The following GFRA4 variants were observed in gnomAD, a reference collection of about 807,000 sequenced individuals.
GFRA4 encodes the protein GDNF family receptor alpha-4.
GFRA4 carries 31 observed loss-of-function variants against 28.5 expected under a neutral mutation model. The observed-to-expected ratio is 1.09, with a 90% CI of 0.82 to 1.47. The LOEUF (loss-of-function observed/expected upper bound fraction) is 1.47, where lower values mean the gene tolerates loss of function less well. Ranked by LOEUF, GFRA4 falls within the 40% of genes most tolerant of loss-of-function variation. The pLI is 0.00. For synonymous variants in GFRA4, 188 were observed against 188.0 expected (o/e 1.00, Z 0.00); for missense variants, 389 against 413.2 (o/e 0.94, Z 0.51).
rs373027287 is a variant in GFRA4 at position 3,659,868 on chromosome 20, G to A, written c.*41C>T. The stretch of plus-strand genomic sequence containing the variant: ...CCACAGAGGCGGCCCAGGCAGGCAG[G>A]GTGGAGTAGCTGGCTGTGCTATCCG... On this transcript the variant is annotated 3_prime_UTR_variant, in exon 6 of 6. Transcript: ENST00000290417. 6.5e-4 allele frequency: 1,010 copies of A among 1,547,414 alleles called. 17 individuals carry two copies. In the South Asian group the frequency reaches 9.9e-3, roughly 15 times the overall value.
rs2087241177 is a variant in GFRA4 at position 3,663,211 on chromosome 20, C to A, written c.46+143G>T. ...AGTGGGGTCAATTGCCAGGGGTCCC[C>A]AAGCCGTGCGCACAGGCCTCTCACT... On this transcript the variant is annotated intron_variant, in intron 1 of 5. Coordinates refer to ENST00000290417, the MANE Select transcript of GFRA4 (RefSeq NM_022139.4). 6.1e-6 allele frequency: 6 copies of A among 988,096 alleles called. No individual in the cohort carries two copies. In the East Asian group the frequency reaches 1.3e-4, roughly 22 times the overall value. The allele number at this position is 988,096 out of a possible 1,614,324, so 61.2% of individuals were successfully genotyped here.
chr20:3,662,927 G>A (rs1342170615), intron 1 of GFRA4, among the ~76,000 whole-genome samples: 1 of 152,136 alleles, frequency 6.6e-6, no homozygotes, highest in Non-Finnish European at 1.5e-5. Context: ...ACTACACTCG[G>A]TAAAGTGACC....
At chr20:3,660,723 C>T in intron 3 of GFRA4, 32 bp downstream of exon 3, 1 of 1,450,210 alleles carries the variant, frequency 6.9e-7, no homozygotes, top group Non-Finnish European at 9.1e-7. Context: ...CTGGAGAACC[C>T]CCGCCCTCGC....
intron 1 of GFRA4, 121 bp downstream of exon 1, chr20:3,663,233 C>T: frequency 8.1e-7 from 1 of 1,241,060 alleles, no homozygotes; most frequent in South Asian, 1.3e-5. Flanking sequence ...ACAGGCCTCT[C>T]ACTGGCAACC....
chr20:3,660,743 G>C lies in GFRA4; in HGVS notation c.502+12C>G. The C allele has an allele frequency of 7.0e-7, 1 of 1,434,316 alleles. No individual in the cohort carries two copies. The highest frequency in any genetic ancestry group is 9.1e-7 in the Non-Finnish European group (1 of 1,099,876). 88.8% of individuals were successfully genotyped at this position (1,434,316 alleles called of 1,614,324 possible). On this transcript the variant is annotated intron_variant, in intron 3 of 5. Transcript: ENST00000290417. ...GAACCCCCGCCCTCGCCCGGATCCC[G>C]GCCGCGCGTACCCACGAGGCCCGCG... is the stretch of plus-strand genomic sequence containing the variant.
At position 3,661,159 on chromosome 20, in the gene GFRA4, A is replaced by ACAGCCCCCCTGCGCAGCCCGGCC. The variant is rs1400002915; in HGVS notation, c.154_176dup (p.Cys59TrpfsTer71). The ACAGCCCCCCTGCGCAGCCCGGCC allele has an allele frequency of 1.0e-5, 14 of 1,362,582 alleles. 1 individual carries two copies. The Middle Eastern group carries it at 1.8e-3, about 175-fold the overall frequency. 84.4% of individuals were successfully genotyped at this position (1,362,582 alleles called of 1,614,324 possible). A position where few individuals can be genotyped will look rare whatever the true frequency, so the allele number is the denominator to read the frequency against. On this transcript the variant is annotated frameshift_variant, in exon 2 of 6. Transcript: ENST00000290417. LOFTEE classifies it high-confidence loss of function. The stretch of plus-strand genomic sequence containing the variant: ...GGGCCCGGCGGCAGCGGGCGCGGGG[A>ACAGCCCCCCTGCGCAGCCCGGCC]CAGCCCCCCTGCGCAGCCCGGCCCA...
chr20:3,661,321 A>G (rs115112380), intron 1 of GFRA4, 32 bp from the exon 2 acceptor site: 18 of 1,418,994 alleles, frequency 1.3e-5, no homozygotes, highest in Non-Finnish European at 1.7e-5. Flanking sequence ...TGCAGGTCTC[A>G]GTGCGCCCCG....
Position 3,660,950 on chromosome 20 carries a change from A to T in GFRA4, c.386T>A (p.Val129Asp). ...CGCCGCCGCCCGCGCGCACCTGCAG[A>T]CCCGGCTGCGCTCGCAGAAGTTTAA... ...EPLNFCERSR[V>D]CRPRLLAFQV... The change falls in exon 2 of 6, where the codon GTC (valine) becomes GAC (aspartate). Residue 129 changes from valine (V) to aspartate (D), a missense_variant. Val to Asp is a radical substitution (Grantham distance 152). Transcript: ENST00000290417. The T allele has an allele frequency of 1.5e-6, 2 of 1,313,014 alleles. No individual in the cohort carries two copies. Among genetic ancestry groups the T allele is most frequent in the Non-Finnish European group, 1.9e-6 (2 of 1,033,808 alleles). The allele number at this position is 1,313,014 out of a possible 1,614,324, so 81.3% of individuals were successfully genotyped here. A position where few individuals can be genotyped will look rare whatever the true frequency, so the allele number is the denominator to read the frequency against.
intron 1 of GFRA4, among the ~76,000 whole-genome samples, chr20:3,662,623 G>A (rs1372921461): frequency 2.0e-5 from 3 of 152,202 alleles, no homozygotes; most frequent in Non-Finnish European, 4.4e-5. Context: ...TAGCTCGAGG[G>A]CTTAGAATGG....
Position 3,660,830 on chromosome 20 carries a change from G to GGCGCTGT in GFRA4, c.426_427insACAGCGC (p.Pro143ThrfsTer34). Reference sequence around the variant, plus strand: ...CAGCCGTCGGGGGCGCTGGGCGCTGGGGTGCACGAGACCTGAAAGGCCAGG... The same window carrying GGCGCTGT: ...CAGCCGTCGGGGGCGCTGGGCGCTGGGCGCTGTGGTGCACGAGACCTGAAAGGCCAGG... On this transcript the variant is annotated frameshift_variant, in exon 3 of 6. Coordinates refer to ENST00000290417, the MANE Select transcript of GFRA4 (RefSeq NM_022139.4). LOFTEE classifies it high-confidence loss of function. 7.0e-7 allele frequency: 1 copy of GGCGCTGT among 1,422,994 alleles called. No homozygotes were observed. Among genetic ancestry groups the GGCGCTGT allele is most frequent in the Non-Finnish European group, 9.1e-7 (1 of 1,101,584 alleles). 88.1% of individuals were successfully genotyped at this position (1,422,994 alleles called of 1,614,324 possible).
At position 3,661,230 on chromosome 20, in the gene GFRA4, C is replaced by T. The variant is rs1330822136; in HGVS notation, c.106G>A (p.Asp36Asn). The change falls in exon 2 of 6, where the codon GAC becomes AAC. Residue 36 changes from aspartate (D) to asparagine (N), a missense_variant. Coordinates refer to ENST00000290417, the MANE Select transcript of GFRA4 (RefSeq NM_022139.4). ...CVDAAEACTA[D>N]ARCQRLRSEY... ...GAGCGCAAACGCTGGCACCGCGCGTCCGCCGTGCAGGCTTCGGCCGCGTCC... is the reference window on the plus strand; with the variant it reads ...GAGCGCAAACGCTGGCACCGCGCGTTCGCCGTGCAGGCTTCGGCCGCGTCC... 2 of 1,502,844 alleles carry T rather than the reference C, an allele frequency of 1.3e-6. No homozygotes were observed. The highest frequency in any genetic ancestry group is 1.8e-6 in the Non-Finnish European group (2 of 1,132,038). The allele number at this position is 1,502,844 out of a possible 1,614,324, so 93.1% of individuals were successfully genotyped here. A position where few individuals can be genotyped will look rare whatever the true frequency, so the allele number is the denominator to read the frequency against.
chr20:3,661,215 G>C lies in GFRA4; in HGVS notation c.121C>G (p.Arg41Gly), dbSNP rs1013885819. The change falls in exon 2 of 6, where the codon CGT (arginine) becomes GGT (glycine). Residue 41 changes from arginine (R) to glycine (G), a missense_variant. Physicochemically the swap from Arg to Gly is moderately radical, Grantham distance 125 (BLOSUM62 -2). Coordinates refer to ENST00000290417, the MANE Select transcript of GFRA4 (RefSeq NM_022139.4). ...EACTADARCQ[R>G]LRSEYVAQCL... Reference sequence around the variant, plus strand: ...TGCGCCACATACTCGGAGCGCAAACGCTGGCACCGCGCGTCCGCCGTGCAG... The same window carrying C: ...TGCGCCACATACTCGGAGCGCAAACCCTGGCACCGCGCGTCCGCCGTGCAG... 23 of 1,500,936 alleles carry C rather than the reference G, an allele frequency of 1.5e-5. No homozygotes were observed. The highest frequency in any genetic ancestry group is 3.7e-5 in the South Asian group (3 of 81,718). The allele number at this position is 1,500,936 out of a possible 1,614,324, so 93.0% of individuals were successfully genotyped here. A position where few individuals can be genotyped will look rare whatever the true frequency, so the allele number is the denominator to read the frequency against.
intron 1 of GFRA4, 38 bp from the exon 2 acceptor site, chr20:3,661,327 C>A: frequency 7.1e-7 from 1 of 1,409,376 alleles, no homozygotes; most frequent in Non-Finnish European, 9.2e-7. Flanking sequence ...TCTCAGTGCG[C>A]CCCGCATGCA....
At chr20:3,660,701 C>A in intron 3 of GFRA4, 41 bp from the exon 4 acceptor site, 3 of 1,519,390 alleles carry the variant, frequency 2.0e-6, no homozygotes, top group East Asian at 2.5e-5. Flanking sequence ...CCCACCCGGG[C>A]GGAGATATCC....
intron 1 of GFRA4, 51 bp from the exon 2 acceptor site, chr20:3,661,340 C>A: frequency 7.3e-7 from 1 of 1,373,238 alleles, no homozygotes; most frequent in South Asian, 1.6e-5. Flanking sequence ...CGCATGCACA[C>A]TTCACCCAGC....
chr20:3,663,220 C>G, intron 1 of GFRA4, 134 bp downstream of exon 1: 1 of 1,058,158 alleles, frequency 9.5e-7, no homozygotes, highest in Non-Finnish European at 1.4e-6. Context: ...CCAAGCCGTG[C>G]GCACAGGCCT....
chr20:3,659,746 C>T lies in GFRA4; in HGVS notation c.*163G>A, dbSNP rs775266423. 65 of 654,808 alleles carry T rather than the reference C, an allele frequency of 9.9e-5. No homozygotes were observed. Among genetic ancestry groups the T allele is most frequent in the East Asian group, 3.4e-4 (12 of 35,716 alleles). 40.6% of individuals were successfully genotyped at this position (654,808 alleles called of 1,614,324 possible). A position where few individuals can be genotyped will look rare whatever the true frequency, so the allele number is the denominator to read the frequency against. ...AGCCTACATCCCTTGCCCCAGGGGACGGCACACAGGGTGTCCAAACCTACA... is the reference window on the plus strand; with the variant it reads ...AGCCTACATCCCTTGCCCCAGGGGATGGCACACAGGGTGTCCAAACCTACA... On this transcript the variant is annotated 3_prime_UTR_variant, in exon 6 of 6. Transcript: ENST00000290417.
chr20:3,661,136 GC>G lies in GFRA4; in HGVS notation c.199del (p.Ala67ProfsTer55). The stretch of plus-strand genomic sequence containing the variant: ...CCCGCGGGCGAAGAAGCGGCGCAGG[GC>G]CCGGCGGCAGCGGGCGCGGGGACAG... ...GGCPRARCRRALRRFFARGPP... is the reference protein window; with the variant it reads ...GGCPRARCRRXLRRFFARGPP... On this transcript the variant is annotated frameshift_variant, in exon 2 of 6. Transcript: ENST00000290417. LOFTEE classifies it high-confidence loss of function. 7.5e-7 allele frequency: 1 copy of G among 1,330,234 alleles called. No individual in the cohort carries two copies. Among genetic ancestry groups the G allele is most frequent in the Non-Finnish European group, 9.5e-7 (1 of 1,047,898 alleles). 82.4% of individuals were successfully genotyped at this position (1,330,234 alleles called of 1,614,324 possible).
intron 1 of GFRA4, among the ~76,000 whole-genome samples, chr20:3,663,129 G>A (rs1226982899): frequency 6.6e-5 from 10 of 152,270 alleles, no homozygotes; most frequent in African/African-American, 1.9e-4. Flanking sequence ...GGCTGGACTC[G>A]GGAGGGGGAT....
Sources: allele counts gnomAD v4.1 joint callset (sites outside exome capture counted in the v4.1 genomes callset), GRCh38; gene constraint gnomAD v4.1.1; transcripts MANE v1.5; gene names NCBI Gene and HGNC (gene_info 2026-07-23, HGNC 2026-07-21).